PHF24: variants seen among roughly 807,000 people sequenced by gnomAD.
PHF24 encodes Galpha inhibitory interacting protein.
In PHF24, 25 loss-of-function variants were observed where a neutral mutation model predicts 42.6. The observed-to-expected ratio is 0.59, with a 90% confidence interval of 0.43 to 0.82. The LOEUF is 0.82. PHF24 is among the 40% of genes least tolerant of loss of function. The pLI is 0.00. For synonymous variants in PHF24, 185 were observed against 204.8 expected (o/e 0.90, Z 0.83); for missense variants, 470 against 538.1 (o/e 0.87, Z 1.25).
chr9:34,911,569 T>C, the PHF24 span, among the ~76,000 whole-genome samples: 1 of 152,194 alleles, frequency 6.6e-6, no homozygotes, highest in East Asian at 1.9e-4. Flanking sequence ...TTTTCTAAAA[T>C]GGCCATTAGG....
the PHF24 span, among the ~76,000 whole-genome samples, chr9:34,717,503 G>A: frequency 6.6e-6 from 1 of 152,164 alleles, no homozygotes; most frequent in Non-Finnish European, 1.5e-5. Context: ...TCAGGGAGAT[G>A]GGTGTGTAGG....
At chr9:34,690,291 G>T in the PHF24 span, 2 of 1,613,970 alleles carry the variant, frequency 1.2e-6, no homozygotes, top group Non-Finnish European at 8.5e-7. Flanking sequence ...GGGTTTCTGG[G>T]TCACAGACAG....
At chr9:34,764,882 A>G in the PHF24 span, among the ~76,000 whole-genome samples, 1 of 150,904 alleles carries the variant, frequency 6.6e-6, no homozygotes, top group Non-Finnish European at 1.5e-5. Flanking sequence ...TGTGTCCCAG[A>G]GATTCTGGTA....
chr9:34,786,605 A>C, the PHF24 span, among the ~76,000 whole-genome samples: 2 of 152,246 alleles, frequency 1.3e-5, no homozygotes, highest in African/African-American at 4.8e-5. Flanking sequence ...TAATCATAAA[A>C]ATGACATTTT....
chr9:34,960,201 T>A (rs191644496), intron 1 of PHF24, among the ~76,000 whole-genome samples: 74 of 152,292 alleles, frequency 4.9e-4, no homozygotes, highest in African/African-American at 1.7e-3. Flanking sequence ...AGCAATGATA[T>A]TCATTAGAGC....
the PHF24 span, among the ~76,000 whole-genome samples, chr9:34,894,077 G>C: frequency 6.6e-6 from 1 of 152,210 alleles, no homozygotes; most frequent in Non-Finnish European, 1.5e-5. Context: ...TCAGAGGAGA[G>C]GGAATAAAGA....
At chr9:34,768,127 AT>A in the PHF24 span, among the ~76,000 whole-genome samples, 1 of 152,178 alleles carries the variant, frequency 6.6e-6, no homozygotes, top group African/African-American at 2.4e-5. Flanking sequence ...ATACTACATT[AT>A]TTCACTGGAC....
the PHF24 span, among the ~76,000 whole-genome samples, chr9:34,921,026 G>A: frequency 6.6e-6 from 1 of 152,080 alleles, no homozygotes; most frequent in African/African-American, 2.4e-5. Context: ...TTTCAGTACT[G>A]TGTTGAATAA....
At chr9:34,681,562 G>A in the PHF24 span, among the ~76,000 whole-genome samples, 1 of 152,310 alleles carries the variant, frequency 6.6e-6, no homozygotes, top group Admixed American at 6.5e-5. Context: ...TGTAATCCCA[G>A]CCCTCTGGGA....
At chr9:34,905,180 G>C in the PHF24 span, among the ~76,000 whole-genome samples, 3 of 152,142 alleles carry the variant, frequency 2.0e-5, no homozygotes, top group East Asian at 5.8e-4. Context: ...CTGAAAGCTG[G>C]CTCCTGGTTC....
the PHF24 span, chr9:34,832,150 C>T: frequency 3.7e-5 from 11 of 297,974 alleles, no homozygotes; most frequent in South Asian, 7.1e-5. Flanking sequence ...CTAGTGGCAC[C>T]CTGCCCCACC....
chr9:34,979,777 G>GT (rs1827329728), exon 8 of PHF24: 1 of 152,214 alleles, frequency 6.6e-6, no homozygotes, highest in South Asian at 2.1e-4. Flanking sequence ...AAGCAGGGTG[G>GT]TGAGCTGCTG....
At chr9:34,753,580 G>A in the PHF24 span, among the ~76,000 whole-genome samples, 1 of 152,148 alleles carries the variant, frequency 6.6e-6, no homozygotes, top group South Asian at 2.1e-4. Context: ...GCAATATACA[G>A]AATCAACATA....
chr9:34,716,565 C>CTTTGCTTTGT, the PHF24 span, among the ~76,000 whole-genome samples: 4 of 148,212 alleles, frequency 2.7e-5, no homozygotes, highest in African/African-American at 5.0e-5. Flanking sequence ...TTTTGTTTTG[C>CTTTGCTTTGT]TTTGTTTTGT....
the PHF24 span, chr9:34,723,213 C>T: frequency 6.5e-7 from 1 of 1,547,012 alleles, no homozygotes. Context: ...ATGTTTCTAT[C>T]TGAGGTGAGG....
chr9:34,954,535 CA>C (rs1400948758), upstream of PHF24, among the ~76,000 whole-genome samples: 2 of 152,228 alleles, frequency 1.3e-5, no homozygotes, highest in Non-Finnish European at 2.9e-5. Flanking sequence ...TTCTCTTCTA[CA>C]TGAGCTCACC....
At chr9:34,830,622 G>A in the PHF24 span, among the ~76,000 whole-genome samples, 1 of 152,194 alleles carries the variant, frequency 6.6e-6, no homozygotes, top group South Asian at 2.1e-4. Context: ...GCCTTTGGTG[G>A]TGGATCACTC....
the PHF24 span, among the ~76,000 whole-genome samples, chr9:34,705,522 G>A: frequency 6.6e-6 from 1 of 152,326 alleles, no homozygotes; most frequent in East Asian, 1.9e-4. Context: ...CTGAGCTGAA[G>A]TGAGCGTCTT....
the PHF24 span, among the ~76,000 whole-genome samples, chr9:34,899,217 G>A: frequency 1.3e-5 from 2 of 152,288 alleles, no homozygotes; most frequent in Non-Finnish European, 2.9e-5. Context: ...TGAACTACAC[G>A]AAAAGCCTCT....
Sources: allele counts gnomAD v4.1 joint callset (sites outside exome capture counted in the v4.1 genomes callset), GRCh38; gene constraint gnomAD v4.1.1; transcripts MANE v1.5; gene names NCBI Gene and HGNC (gene_info 2026-07-23, HGNC 2026-07-21).